The following BPIFB1 variants were observed in gnomAD, a reference collection of about 807,000 sequenced individuals.
BPIFB1 encodes BPI fold containing family B member 1.
BPIFB1 carries 34 observed loss-of-function variants against 55.1 expected under a neutral mutation model. The observed-to-expected ratio is 0.62, with a 90% CI of 0.47 to 0.82. The LOEUF is 0.82. Among genes scored for constraint, BPIFB1 ranks in the 40% least tolerant of loss-of-function variants. The pLI, the probability that BPIFB1 is intolerant of heterozygous loss-of-function variation, is 0.00. For synonymous variants in BPIFB1, 236 were observed against 245.3 expected, an observed-to-expected ratio of 0.96 and a Z score of 0.35; for missense variants, 532 against 593.1, an observed-to-expected ratio of 0.90 and a Z score of 1.07.
At chr20:33,296,801 A>G (rs1212491995) in intron 6 of BPIFB1, among the ~76,000 whole-genome samples, 3 of 152,250 alleles carry the variant, frequency 2.0e-5, no homozygotes, top group Non-Finnish European at 4.4e-5. Context: ...AAAGCCACAA[A>G]GGGCACAAAG....
intron 11 of BPIFB1, 119 bp downstream of exon 11, chr20:33,303,193 G>T: frequency 7.6e-7 from 1 of 1,315,870 alleles, no homozygotes; most frequent in African/African-American, 1.5e-5. Flanking sequence ...GCAGGGACAG[G>T]GGACAGGGAG....
At position 33,302,967 on chromosome 20, in the gene BPIFB1, A is replaced by G; in HGVS notation, c.1033A>G (p.Thr345Ala). The part of the protein sequence containing the change: ...TQIVKILTQD[T>A]PEFFIDQGHA... ...GATCGTGAAGATCCTAACTCAGGACACTCCCGAGTTTTTTATAGACCAAGG... is the reference window on the plus strand; with the variant it reads ...GATCGTGAAGATCCTAACTCAGGACGCTCCCGAGTTTTTTATAGACCAAGG... The change falls in exon 11 of 16, where the codon ACT becomes GCT. Residue 345 changes from threonine to alanine, a missense_variant. Coordinates refer to ENST00000253354, the MANE Select transcript of BPIFB1 (RefSeq NM_033197.3). 1 of 1,613,874 alleles carries G rather than the reference A, an allele frequency of 6.2e-7. No homozygotes were observed. The highest frequency in any genetic ancestry group is 2.2e-5 in the East Asian group (1 of 44,864).
At chr20:33,304,368 G>C (rs1488363759) in intron 12 of BPIFB1, among the ~76,000 whole-genome samples, 1 of 152,212 alleles carries the variant, frequency 6.6e-6, no homozygotes, top group African/African-American at 2.4e-5. Context: ...CCACTTTCCT[G>C]TGGCCCCAGA....
intron 2 of BPIFB1, 117 bp from the exon 3 acceptor site, chr20:33,288,624 A>G: frequency 8.1e-7 from 1 of 1,229,020 alleles, no homozygotes; most frequent in East Asian, 2.4e-5. Flanking sequence ...AGAGATGGCT[A>G]CACCCTCGCC....
chr20:33,304,802 AG>A, intron 12 of BPIFB1, 43 bp from the exon 13 acceptor site: 1 of 1,611,892 alleles, frequency 6.2e-7, no homozygotes, highest in Non-Finnish European at 8.5e-7. Flanking sequence ...ATGGTGAATG[AG>A]TGGGACTTCA....
Position 33,299,994 on chromosome 20 carries a change from C to T in BPIFB1, c.747+10C>T, listed in dbSNP as rs1980794837. The T allele has an allele frequency of 6.2e-7, 1 of 1,612,506 alleles. No homozygotes were observed. The highest frequency in any genetic ancestry group is 2.2e-5 in the East Asian group (1 of 44,862). The stretch of plus-strand genomic sequence containing the variant: ...TCAGCTCTACCTGGGGGTGAGTGTC[C>T]CAGGACCTTGAGGGTGAAGTGGGGA... On this transcript the variant is annotated intron_variant, in intron 8 of 15. Coordinates refer to ENST00000253354, the MANE Select transcript of BPIFB1 (RefSeq NM_033197.3).
chr20:33,285,441 CG>C (rs1980232867), intron 1 of BPIFB1, among the ~76,000 whole-genome samples: 1 of 151,732 alleles, frequency 6.6e-6, no homozygotes, highest in African/African-American at 2.4e-5. Flanking sequence ...AGGCTGGGCG[CG>C]GTGGCTCACG....
intron 11 of BPIFB1, 73 bp from the exon 12 acceptor site, chr20:33,303,885 C>T: frequency 1.4e-6 from 2 of 1,479,850 alleles, no homozygotes; most frequent in Non-Finnish European, 1.9e-6. Flanking sequence ...ACCCCAGAGC[C>T]TCCCTGCATA....
At chr20:33,304,671 C>A (rs1269106262) in intron 12 of BPIFB1, among the ~76,000 whole-genome samples, 175 bp from the exon 13 acceptor site, 2 of 152,008 alleles carry the variant, frequency 1.3e-5, no homozygotes, top group Non-Finnish European at 2.9e-5. Flanking sequence ...TCTATGCCCC[C>A]CACCCCACCC....
At chr20:33,286,248 C>T (rs759457236) in intron 2 of BPIFB1, 60 bp downstream of exon 2, 64 of 1,461,108 alleles carry the variant, frequency 4.4e-5, no homozygotes, top group South Asian at 1.5e-4. Flanking sequence ...GGAGCAGCTT[C>T]CCAAAGGAGG....
At chr20:33,292,640 T>C (rs1039762947) in intron 6 of BPIFB1, among the ~76,000 whole-genome samples, 3 of 152,264 alleles carry the variant, frequency 2.0e-5, no homozygotes, top group Non-Finnish European at 4.4e-5. Context: ...AGCACGGCAC[T>C]GTCACACATC....
chr20:33,285,992 C>G, intron 1 of BPIFB1, 41 bp from the exon 2 acceptor site: 2 of 1,343,346 alleles, frequency 1.5e-6, no homozygotes, highest in Non-Finnish European at 2.1e-6. Flanking sequence ...ATGGGCCTGC[C>G]CTTGGCCCCT....
chr20:33,306,735 G>A, intron 14 of BPIFB1, 176 bp from the exon 15 acceptor site: 1 of 620,910 alleles, frequency 1.6e-6, no homozygotes, highest in Non-Finnish European at 2.9e-6. Context: ...AGAGGCAAAG[G>A]GAGGGTAGAC....
chr20:33,307,210 GTCAT>G (rs141478347), intron 15 of BPIFB1: 254 of 522,248 alleles, frequency 4.9e-4, no homozygotes, highest in South Asian at 1.2e-3. Flanking sequence ...CCACCCCCTT[GTCAT>G]TCATTCATTC....
At chr20:33,295,120 C>A (rs1980594474) in intron 6 of BPIFB1, among the ~76,000 whole-genome samples, 1 of 151,696 alleles carries the variant, frequency 6.6e-6, no homozygotes, top group African/African-American at 2.4e-5. Flanking sequence ...GAGGCTGAGG[C>A]AGAAGAATCA....
At position 33,303,984 on chromosome 20, in the gene BPIFB1, C is replaced by T; in HGVS notation, c.1167C>T (p.Tyr389=). 1 of 1,613,960 alleles carries T rather than the reference C, an allele frequency of 6.2e-7. No individual in the cohort carries two copies. The highest frequency in any genetic ancestry group is 8.5e-7 in the Non-Finnish European group (1 of 1,179,974). ...GIEASSEAQF[Y]TKGDQLILNL... Reference sequence around the variant, plus strand: ...AAGCCAGCTCGGAAGCTCAGTTTTACACCAAAGGTGACCAACTTATACTCA... The same window carrying T: ...AAGCCAGCTCGGAAGCTCAGTTTTATACCAAAGGTGACCAACTTATACTCA... The change falls in exon 12 of 16, where the codon TAC becomes TAT. Residue 389 remains tyrosine, a synonymous_variant. Coordinates refer to ENST00000253354, the MANE Select transcript of BPIFB1 (RefSeq NM_033197.3).
chr20:33,295,483 G>A (rs1980606719), intron 6 of BPIFB1, among the ~76,000 whole-genome samples: 1 of 151,794 alleles, frequency 6.6e-6, no homozygotes, highest in Admixed American at 6.6e-5. Flanking sequence ...GTGGGCGCCT[G>A]TAATCCCAGT....
At position 33,285,977 on chromosome 20, in the gene BPIFB1, G is replaced by A; in HGVS notation, c.-41-56G>A. 4.5e-6 allele frequency: 5 copies of A among 1,122,404 alleles called. 1 individual carries two copies. In the South Asian group the frequency reaches 5.3e-5, roughly 12 times the overall value. The allele number at this position is 1,122,404 out of a possible 1,614,324, so 69.5% of individuals were successfully genotyped here. ...TGGACACCGTGCCCCAGGTCACCGG[G>A]CATCATGGGCCTGCCCTTGGCCCCT... On this transcript the variant is annotated intron_variant, in intron 1 of 15. Coordinates refer to ENST00000253354, the MANE Select transcript of BPIFB1 (RefSeq NM_033197.3).
chr20:33,299,139 G>T (rs1166962849), intron 7 of BPIFB1: 2 of 456,624 alleles, frequency 4.4e-6, no homozygotes, highest in African/African-American at 2.0e-5. Context: ...GACGCGAGAA[G>T]AGACCAGCCA....
Sources: allele counts gnomAD v4.1 joint callset (sites outside exome capture counted in the v4.1 genomes callset), GRCh38; gene constraint gnomAD v4.1.1; transcripts MANE v1.5; gene names NCBI Gene and HGNC (gene_info 2026-07-23, HGNC 2026-07-21).